The following SIRPD variants were observed in gnomAD, a reference collection of about 807,000 sequenced individuals.
SIRPD encodes the protein signal-regulatory protein delta.
In SIRPD, 21 loss-of-function variants were observed where a neutral mutation model predicts 18.0. That is an observed-to-expected ratio of 1.17 (90% CI 0.83 to 1.68). The LOEUF is 1.68. Ranked by LOEUF, SIRPD falls within the 40% of genes most tolerant of loss-of-function variation. The probability of loss-of-function intolerance (pLI) is 0.00; values close to 1 mark genes in which losing one functional copy is unlikely to be tolerated. For missense variants in SIRPD, 295 were observed against 238.4 expected, an observed-to-expected ratio of 1.24 and a Z score of -1.56; for synonymous variants, 106 against 92.9, an observed-to-expected ratio of 1.14 and a Z score of -0.81.
At chr20:1,552,278 T>C (rs1384471830) in intron 1 of SIRPD, among the ~76,000 whole-genome samples, 1 of 152,100 alleles carries the variant, frequency 6.6e-6, no homozygotes, top group Non-Finnish European at 1.5e-5. Context: ...TCAACCGTGG[T>C]AAGAGGAGGA....
intron 2 of SIRPD, among the ~76,000 whole-genome samples, chr20:1,549,123 C>T (rs2091006852): frequency 6.6e-6 from 1 of 152,028 alleles, no homozygotes; most frequent in Non-Finnish European, 1.5e-5. Flanking sequence ...TACTGTTAAT[C>T]CCCTCTAGGG....
intron 3 of SIRPD, among the ~76,000 whole-genome samples, chr20:1,535,534 A>G (rs73076965): frequency 0.16 from 24,723 of 152,064 alleles, 2,421 homozygotes; most frequent in Middle Eastern, 0.23. Context: ...CAAGTATAGT[A>G]TGCTAGCATG....
chr20:1,548,376 T>C (rs1305818742), intron 2 of SIRPD, among the ~76,000 whole-genome samples: 1 of 152,152 alleles, frequency 6.6e-6, no homozygotes, highest in Non-Finnish European at 1.5e-5. Flanking sequence ...TATGTGGTTT[T>C]CTTTTTTATT....
At chr20:1,556,365 G>A (rs1378460223) in intron 1 of SIRPD, among the ~76,000 whole-genome samples, 1 of 152,202 alleles carries the variant, frequency 6.6e-6, no homozygotes, top group Non-Finnish European at 1.5e-5. Context: ...TGAATAAAAA[G>A]AGGAAGCTTT....
chr20:1,545,766 A>T (rs2123133278), intron 2 of SIRPD, among the ~76,000 whole-genome samples: 1 of 152,054 alleles, frequency 6.6e-6, no homozygotes, highest in South Asian at 2.1e-4. Context: ...ATCTACCTTG[A>T]TCTTGGATGT....
At chr20:1,540,232 A>G in intron 2 of SIRPD, 2 of 451,704 alleles carry the variant, frequency 4.4e-6, no homozygotes, top group South Asian at 1.6e-5. Flanking sequence ...GAGAAAGGGA[A>G]TATGTTCTCT....
rs1329323251 is a variant in SIRPD at position 1,534,853 on chromosome 20, CA to C, written c.578-413del. ...TTCATTGGGAAATGGCTTTTGAAACCAAAAAACACTTTTGAAATGCAATTTC... is the reference window on the plus strand; with the variant it reads ...TTCATTGGGAAATGGCTTTTGAAACCAAAAACACTTTTGAAATGCAATTTC... On this transcript the variant is annotated intron_variant, in intron 3 of 3. Coordinates refer to ENST00000381623, the MANE Select transcript of SIRPD (RefSeq NM_178460.3). 7.2e-5 allele frequency among the ~76,000 whole-genome samples: 11 copies of C among 152,044 alleles called. No homozygotes were observed. The South Asian group carries it at 2.3e-3, about 31-fold the overall frequency.
intron 2 of SIRPD, among the ~76,000 whole-genome samples, chr20:1,540,793 C>T (rs1357438256): frequency 1.3e-5 from 2 of 152,092 alleles, no homozygotes; most frequent in African/African-American, 2.4e-5. Flanking sequence ...TCCTCTTGTC[C>T]CCCACCACCC....
rs532926118 is a variant in SIRPD at position 1,550,511 on chromosome 20, G to A, written c.421+1180C>T. 3.9e-5 allele frequency among the ~76,000 whole-genome samples: 6 copies of A among 152,294 alleles called. No homozygotes were observed. In the East Asian group the frequency reaches 5.8e-4, roughly 15 times the overall value. On this transcript the variant is annotated intron_variant, in intron 2 of 3. Coordinates refer to ENST00000381623, the MANE Select transcript of SIRPD (RefSeq NM_178460.3). ...CATGAAGAGATGAGAGAATTTCAGA[G>A]AGCCACAGTCTTGGTAACATTAAGC...
In SIRPD at chr20:1,551,952, G is replaced by A. The variant is rs1349929317; in HGVS notation, c.160C>T (p.Pro54Ser). 1.9e-6 allele frequency: 3 copies of A among 1,614,050 alleles called. No homozygotes were observed. The South Asian group carries it at 3.3e-5, about 18-fold the overall frequency. Reference protein sequence around the residue: ...GESIILSCSVPNTLPNGPVLW... With the variant: ...GESIILSCSVSNTLPNGPVLW... ...ACAGGTCCATTTGGTAAGGTATTGG[G>A]TACGCTGCAACTCAAGATGATTGAC... Residue 54 changes from proline (P) to serine (S), a missense_variant, in exon 2 of 4, where the codon CCC becomes TCC. Transcript: ENST00000381623.
chr20:1,552,181 T>C, intron 1 of SIRPD, 143 bp from the exon 2 acceptor site: 1 of 670,916 alleles, frequency 1.5e-6, no homozygotes. Context: ...CCTTTGCACA[T>C]GGAGGCAGCT....
chr20:1,557,436 A>G, intron 1 of SIRPD, 145 bp downstream of exon 1: 1 of 608,968 alleles, frequency 1.6e-6, no homozygotes, highest in Non-Finnish European at 2.6e-6. Context: ...GGACCATCCC[A>G]GTGTAGTCTT....
intron 2 of SIRPD, among the ~76,000 whole-genome samples, chr20:1,549,884 G>A (rs984642283): frequency 1.3e-5 from 2 of 152,194 alleles, no homozygotes; most frequent in South Asian, 4.1e-4. Context: ...ACATAGCTAA[G>A]TATTTTAAAA....
chr20:1,539,219 T>C (rs2263656), intron 2 of SIRPD, among the ~76,000 whole-genome samples: 68,512 of 152,066 alleles, frequency 0.45, 16,711 homozygotes, highest in Non-Finnish European at 0.55. Flanking sequence ...CTAGTATCTG[T>C]GGTAATTTCT....
chr20:1,544,864 T>C (rs1228509234), intron 2 of SIRPD, among the ~76,000 whole-genome samples: 1 of 152,230 alleles, frequency 6.6e-6, no homozygotes, highest in African/African-American at 2.4e-5. Flanking sequence ...TTATTTATCT[T>C]CATTTATGAA....
chr20:1,537,248 C>T lies in SIRPD; in HGVS notation c.484G>A (p.Asp162Asn). The T allele has an allele frequency of 1.2e-6, 2 of 1,614,110 alleles. No individual in the cohort carries two copies. Among genetic ancestry groups the T allele is most frequent in the Non-Finnish European group, 1.7e-6 (2 of 1,180,012 alleles). Residue 162 changes from aspartate to asparagine, a missense_variant, in exon 3 of 4, where the codon GAT (aspartate) becomes AAT (asparagine). Asp to Asn is a conservative substitution (Grantham distance 23). Coordinates refer to ENST00000381623, the MANE Select transcript of SIRPD (RefSeq NM_178460.3). ...AGRAGSRAHH[D>N]AHTCLSALPE... ...AGGGCCGAGAGGCAGGTATGGGCAT[C>T]ATGGTGGGCCCTGGAGCCTGCTCTG...
intron 1 of SIRPD, among the ~76,000 whole-genome samples, chr20:1,555,909 A>T (rs1393036970): frequency 6.6e-6 from 1 of 152,154 alleles, no homozygotes; most frequent in Admixed American, 6.5e-5. Context: ...CTGTGTTCTC[A>T]TCTGGGGGTT....
intron 2 of SIRPD, chr20:1,540,312 T>G: frequency 2.2e-6 from 1 of 456,092 alleles, no homozygotes; most frequent in Non-Finnish European, 4.4e-6. Context: ...ATTTCAGACT[T>G]CTGGCTTCTA....
intron 1 of SIRPD, among the ~76,000 whole-genome samples, chr20:1,554,487 G>T (rs1448257554): frequency 6.6e-6 from 1 of 152,138 alleles, no homozygotes; most frequent in Non-Finnish European, 1.5e-5. Flanking sequence ...GTACAAATAG[G>T]AGAATGACAC....
Sources: allele counts gnomAD v4.1 joint callset (sites outside exome capture counted in the v4.1 genomes callset), GRCh38; gene constraint gnomAD v4.1.1; transcripts MANE v1.5; gene names NCBI Gene and HGNC (gene_info 2026-07-23, HGNC 2026-07-21).